The following LRRC7 variants were observed in gnomAD, a reference collection of about 807,000 sequenced individuals.
LRRC7 encodes the protein leucine rich repeat containing 7.
Under a neutral mutation model 175.7 loss-of-function variants are expected in LRRC7, and 23 were observed. The ratio of observed to expected loss-of-function variants is 0.13; its 90% CI spans 0.09 to 0.19. The LOEUF is 0.19. Among genes scored for constraint, LRRC7 ranks in the 10% least tolerant of loss-of-function variants. LRRC7 has a pLI of 1.00. For missense variants in LRRC7, 1,354 were observed against 1,904.7 expected (o/e 0.71, Z 5.38); for synonymous variants, 685 against 680.9 (o/e 1.01, Z -0.09).
At chr1:69,743,747 T>C (rs1190853393) in intron 2 of LRRC7, among the ~76,000 whole-genome samples, 1 of 151,906 alleles carries the variant, frequency 6.6e-6, no homozygotes, top group Non-Finnish European at 1.5e-5. Flanking sequence ...TGACAATATA[T>C]GTTAAACATT....
intron 1 of LRRC7, among the ~76,000 whole-genome samples, chr1:69,672,509 C>T (rs1007253134): frequency 1.1e-4 from 17 of 152,136 alleles, no homozygotes; most frequent in African/African-American, 3.6e-4. Context: ...ATTTCTTAGA[C>T]TTAGGTTAAC....
intron 1 of LRRC7, among the ~76,000 whole-genome samples, chr1:69,641,814 A>C (rs1427177227): frequency 6.6e-6 from 1 of 151,870 alleles, no homozygotes; most frequent in Non-Finnish European, 1.5e-5. Flanking sequence ...TACATATAAA[A>C]ATTTTAAAAG....
At chr1:70,027,591 AT>A (rs1344495141) in intron 17 of LRRC7, among the ~76,000 whole-genome samples, 3 of 152,116 alleles carry the variant, frequency 2.0e-5, no homozygotes, top group African/African-American at 4.8e-5. Flanking sequence ...ACCCTGAAGC[AT>A]TTTTTCCCCT....
intron 22 of LRRC7, among the ~76,000 whole-genome samples, chr1:70,052,448 A>G (rs1386553497): frequency 1.3e-5 from 2 of 152,076 alleles, no homozygotes; most frequent in Non-Finnish European, 2.9e-5. Flanking sequence ...CTAATAGCAC[A>G]TTTTTAATAG....
At chr1:69,953,977 TC>T in intron 8 of LRRC7, among the ~76,000 whole-genome samples, 1 of 152,064 alleles carries the variant, frequency 6.6e-6, no homozygotes, top group East Asian at 1.9e-4. Context: ...CTTACTTTTT[TC>T]TCTCTCTCTT....
At chr1:69,579,886 C>G (rs1048151494) in intron 1 of LRRC7, among the ~76,000 whole-genome samples, 1 of 148,252 alleles carries the variant, frequency 6.7e-6, no homozygotes, top group African/African-American at 2.5e-5. Flanking sequence ...CTCCTGCCTT[C>G]GCCTCCCAAA....
chr1:69,963,328 G>C (rs575477546), intron 8 of LRRC7, among the ~76,000 whole-genome samples: 233 of 151,050 alleles, frequency 1.5e-3, no homozygotes, highest in African/African-American at 4.5e-3. Flanking sequence ...AAGAAAGAAA[G>C]AAACAAAGAA....
intron 2 of LRRC7, among the ~76,000 whole-genome samples, chr1:69,717,429 A>G (rs577427656): frequency 2.0e-5 from 3 of 151,828 alleles, no homozygotes; most frequent in Non-Finnish European, 2.9e-5. Context: ...TATTTATACA[A>G]TTGGAACCAC....
chr1:69,810,138 A>G (rs1003593721), intron 4 of LRRC7, among the ~76,000 whole-genome samples: 3 of 152,190 alleles, frequency 2.0e-5, no homozygotes, highest in Non-Finnish European at 4.4e-5. Context: ...ACAGAGAAAC[A>G]GAGAGCCAAA....
At chr1:69,659,001 A>T (rs937310916) in intron 1 of LRRC7, among the ~76,000 whole-genome samples, 5 of 152,050 alleles carry the variant, frequency 3.3e-5, no homozygotes, top group African/African-American at 1.2e-4. Context: ...AATTGGAGGT[A>T]GCTGTAATTG....
At chr1:69,726,109 C>T (rs1666951360) in intron 2 of LRRC7, among the ~76,000 whole-genome samples, 1 of 152,138 alleles carries the variant, frequency 6.6e-6, no homozygotes, top group South Asian at 2.1e-4. Context: ...TACATTCATA[C>T]ACACATTTTC....
chr1:69,763,400 T>A (rs984049764), intron 3 of LRRC7, among the ~76,000 whole-genome samples: 1 of 152,118 alleles, frequency 6.6e-6, no homozygotes, highest in Non-Finnish European at 1.5e-5. Flanking sequence ...ATGTCTCCCC[T>A]AAAATTCTTC....
At chr1:69,910,799 G>T (rs1002137497) in intron 7 of LRRC7, among the ~76,000 whole-genome samples, 4 of 152,228 alleles carry the variant, frequency 2.6e-5, no homozygotes, top group Admixed American at 6.5e-5. Flanking sequence ...TGCCCCCAGA[G>T]GTGGAGCCTA....
At chr1:70,000,393 A>C (rs1039765084) in intron 11 of LRRC7, among the ~76,000 whole-genome samples, 5 of 152,236 alleles carry the variant, frequency 3.3e-5, no homozygotes, top group African/African-American at 1.2e-4. Context: ...ACAATAGGCT[A>C]TATCATATAA....
rs74872228 is a variant in LRRC7, at chr1:70,065,772, A to G, written c.4231-10305A>G. Among the ~76,000 whole-genome samples the G allele has an allele frequency of 3.0e-3, 457 of 152,078 alleles. 4 individuals are homozygous for G. The highest frequency in any genetic ancestry group is 0.011 in the African/African-American group (448 of 41,546). ...ATCATCTTGACTTATGGCAGAATGTATTTAGTCCGTTATTGTATATTCTGT... is the reference window on the plus strand; with the variant it reads ...ATCATCTTGACTTATGGCAGAATGTGTTTAGTCCGTTATTGTATATTCTGT... On this transcript the variant is annotated intron_variant, in intron 23 of 26. Transcript: ENST00000651989.
At chr1:69,569,086 C>T (rs1463930441) in intron 1 of LRRC7, among the ~76,000 whole-genome samples, 1 of 151,796 alleles carries the variant, frequency 6.6e-6, no homozygotes, top group East Asian at 1.9e-4. Context: ...CACACACACT[C>T]ACACACACTT....
rs144712931 is a variant in LRRC7, at chr1:69,701,261, T to C, written c.100+22783T>C. Among the ~76,000 whole-genome samples the C allele has an allele frequency of 6.4e-3, 968 of 152,222 alleles. 8 individuals are homozygous for C. The highest frequency in any genetic ancestry group is 0.022 in the African/African-American group (914 of 41,550). On this transcript the variant is annotated intron_variant, in intron 2 of 26. Coordinates refer to ENST00000651989, the MANE Select transcript of LRRC7 (RefSeq NM_001370785.2). The stretch of plus-strand genomic sequence containing the variant: ...ACACATTTCAGATGTTACAGGCTCA[T>C]TGAAGTAAATGAGTATAAAAATTCC...
At chr1:69,907,263 G>T (rs1000231329) in intron 7 of LRRC7, among the ~76,000 whole-genome samples, 12 of 152,026 alleles carry the variant, frequency 7.9e-5, no homozygotes, top group Admixed American at 5.2e-4. Flanking sequence ...TCCTTCTCCT[G>T]CCTAATTGCC....
In LRRC7 at chr1:69,621,402, A is replaced by T. The variant is rs191114818; in HGVS notation, c.2+52761A>T. 4.7e-4 allele frequency among the ~76,000 whole-genome samples: 71 copies of T among 152,204 alleles called. 1 individual carries two copies. The Middle Eastern group carries it at 0.02, about 44-fold the overall frequency. On this transcript the variant is annotated intron_variant, in intron 1 of 26. Coordinates refer to ENST00000651989, the MANE Select transcript of LRRC7 (RefSeq NM_001370785.2). ...TTCCACATCAGAGTCTGACCATTTG[A>T]TCTTCTGTCAGATTCTATTAGTTCT...
Sources: allele counts gnomAD v4.1 joint callset (sites outside exome capture counted in the v4.1 genomes callset), GRCh38; gene constraint gnomAD v4.1.1; transcripts MANE v1.5; gene names NCBI Gene and HGNC (gene_info 2026-07-23, HGNC 2026-07-21).